ATP8A2: variants seen among roughly 807,000 people sequenced by gnomAD.
ATP8A2 encodes the protein ATPase phospholipid transporting 8A2, also known as phospholipid-transporting ATPase IB.
Under a neutral mutation model 165.6 loss-of-function variants are expected in ATP8A2, and 100 were observed. The ratio of observed to expected loss-of-function variants is 0.60; its 90% CI spans 0.51 to 0.71. The LOEUF (loss-of-function observed/expected upper bound fraction) is 0.71. Ranked by LOEUF, ATP8A2 falls within the 30% of genes least tolerant of loss-of-function variation. The pLI is 0.00. For synonymous variants in ATP8A2, 543 were observed against 548.8 expected, an observed-to-expected ratio of 0.99 and a Z score of 0.15; for missense variants, 1,227 against 1,479.5, an observed-to-expected ratio of 0.83 and a Z score of 2.80.
chr13:25,643,605 C>T (rs2041593011), intron 24 of ATP8A2, among the ~76,000 whole-genome samples: 1 of 151,834 alleles, frequency 6.6e-6, no homozygotes, highest in African/African-American at 2.4e-5. Flanking sequence ...CATTTTTGGG[C>T]CTTCTATTGG....
rs546393054 is a variant in ATP8A2 at position 25,551,351 on chromosome 13, C to T, written c.905C>T (p.Ala302Val). 3.5e-5 allele frequency: 56 copies of T among 1,613,346 alleles called. No homozygotes were observed. The highest frequency in any genetic ancestry group is 4.3e-5 in the Non-Finnish European group (51 of 1,179,510). The change falls in exon 11 of 37, where the codon GCG becomes GTG. Residue 302 changes from alanine (A) to valine (V), a missense_variant. Physicochemically the swap from Ala to Val is moderately conservative, Grantham distance 64. Coordinates refer to ENST00000381655, the MANE Select transcript of ATP8A2 (RefSeq NM_016529.6). Reference protein sequence around the residue: ...DTKLMQNSTKAPLKRSNVEKV... With the variant: ...DTKLMQNSTKVPLKRSNVEKV... ...GCTGTTGTGTAGAATTCAACCAAAG[C>T]GCCTCTCAAGAGATCAAATGTTGAG... is the stretch of plus-strand genomic sequence containing the variant.
chr13:25,400,593 G>A (rs1331777701), intron 1 of ATP8A2, among the ~76,000 whole-genome samples: 1 of 152,154 alleles, frequency 6.6e-6, no homozygotes, highest in Non-Finnish European at 1.5e-5. Flanking sequence ...TTAACCAGAG[G>A]ATTCTGAACA....
At chr13:25,378,410 A>G (rs1004614533) in intron 1 of ATP8A2, among the ~76,000 whole-genome samples, 3 of 151,966 alleles carry the variant, frequency 2.0e-5, no homozygotes, top group Non-Finnish European at 4.4e-5. Context: ...TTCCATCACA[A>G]TCATTCCCAG....
chr13:25,656,567 C>T (rs78981162), intron 24 of ATP8A2, among the ~76,000 whole-genome samples: 1 of 151,856 alleles, frequency 6.6e-6, no homozygotes, highest in African/African-American at 2.4e-5. Context: ...GCCACCACAC[C>T]CAGCCAAAGT....
At chr13:26,005,546 TTC>T (rs1425608130) in intron 35 of ATP8A2, among the ~76,000 whole-genome samples, 1 of 152,064 alleles carries the variant, frequency 6.6e-6, no homozygotes, top group African/African-American at 2.4e-5. Context: ...TGTTTATTTC[TTC>T]TCTTTTGATA....
chr13:25,900,758 G>A (rs1046513729), intron 33 of ATP8A2, among the ~76,000 whole-genome samples: 1 of 152,194 alleles, frequency 6.6e-6, no homozygotes, highest in Non-Finnish European at 1.5e-5. Context: ...ACCTGGGAGA[G>A]AGAAGTGTCC....
chr13:25,822,898 T>C (rs1951217552), intron 27 of ATP8A2, among the ~76,000 whole-genome samples: 1 of 152,240 alleles, frequency 6.6e-6, no homozygotes, highest in Admixed American at 6.5e-5. Context: ...GAAATTCATT[T>C]GAGTATATAG....
chr13:25,723,355 T>C (rs143134434), intron 25 of ATP8A2, among the ~76,000 whole-genome samples: 210 of 152,362 alleles, frequency 1.4e-3, no homozygotes, highest in African/African-American at 4.9e-3. Flanking sequence ...CTCGTGAATA[T>C]TAAATGCTAT....
At chr13:25,538,280 A>G (rs922285617) in intron 7 of ATP8A2, among the ~76,000 whole-genome samples, 1 of 151,002 alleles carries the variant, frequency 6.6e-6, no homozygotes, top group African/African-American at 2.4e-5. Context: ...ATGTGTGTTG[A>G]CTCCACTTAG....
intron 26 of ATP8A2, among the ~76,000 whole-genome samples, chr13:25,772,387 G>A (rs1207800915): frequency 1.3e-5 from 2 of 152,136 alleles, no homozygotes; most frequent in African/African-American, 4.8e-5. Flanking sequence ...ACATCAGGGG[G>A]TCCCGGTCAA....
chr13:25,870,799 T>G (rs1234567662), intron 33 of ATP8A2, among the ~76,000 whole-genome samples: 1 of 152,172 alleles, frequency 6.6e-6, no homozygotes, highest in Admixed American at 6.5e-5. Context: ...TTAATAAATT[T>G]TATCTGAAGT....
At chr13:25,707,167 A>G (rs931291171) in intron 25 of ATP8A2, among the ~76,000 whole-genome samples, 1 of 152,184 alleles carries the variant, frequency 6.6e-6, no homozygotes, top group Non-Finnish European at 1.5e-5. Context: ...TAGAGACTTG[A>G]GTATTAATCT....
In ATP8A2 at chr13:25,920,427, C is replaced by T. The variant is rs115468406; in HGVS notation, c.3184-41148C>T. On this transcript the variant is annotated intron_variant, in intron 33 of 36. Coordinates refer to ENST00000381655, the MANE Select transcript of ATP8A2 (RefSeq NM_016529.6). ...AACACACACACACACATCCTAAGCT[C>T]GGCACTTGTGAAAAAGATGTCTTTG... is the stretch of plus-strand genomic sequence containing the variant. 3.9e-3 allele frequency among the ~76,000 whole-genome samples: 590 copies of T among 152,300 alleles called. 3 individuals are homozygous for T. The highest frequency in any genetic ancestry group is 0.014 in the African/African-American group (567 of 41,562).
intron 2 of ATP8A2, among the ~76,000 whole-genome samples, chr13:25,501,946 C>A (rs563351465): frequency 2.3e-4 from 35 of 152,290 alleles, no homozygotes; most frequent in Admixed American, 1.1e-3. Context: ...GGAGGGGGAG[C>A]AACCATTGGA....
intron 1 of ATP8A2, among the ~76,000 whole-genome samples, chr13:25,462,442 C>A (rs1470779853): frequency 6.6e-6 from 1 of 151,980 alleles, no homozygotes; most frequent in Non-Finnish European, 1.5e-5. Flanking sequence ...CAGGACCAGC[C>A]AATTGGAGAT....
At chr13:25,408,542 TTCTTCTG>T (rs961004840) in intron 1 of ATP8A2, among the ~76,000 whole-genome samples, 16 of 152,324 alleles carry the variant, frequency 1.1e-4, no homozygotes, top group Non-Finnish European at 1.2e-4. Flanking sequence ...AAATATACTT[TTCTTCTG>T]TCTTCTGTCA....
rs781113954 is a variant in ATP8A2 at position 25,372,842 on chromosome 13, C to T, written c.76+554C>T. 6.6e-6 allele frequency among the ~76,000 whole-genome samples: 1 copy of T among 152,200 alleles called. No individual in the cohort carries two copies. The highest frequency in any genetic ancestry group is 1.5e-5 in the Non-Finnish European group (1 of 68,038). ...ACTGGCTCATAACCATCCGTGCATA[C>T]AACCATCTGGAGACGAACACACACA... On this transcript the variant is annotated intron_variant, in intron 1 of 36. Transcript: ENST00000381655. The surrounding 1 kb of genome is among the most constrained non-coding windows in gnomAD (Gnocchi z 4.8).
chr13:25,555,024 C>A lies in ATP8A2; in HGVS notation c.1219C>A (p.Pro407Thr), dbSNP rs764685562. 1.9e-6 allele frequency: 3 copies of A among 1,612,804 alleles called. No individual in the cohort carries two copies. Among genetic ancestry groups the A allele is most frequent in the South Asian group, 1.1e-5 (1 of 90,964 alleles). The change falls in exon 13 of 37, where the codon CCT (proline) becomes ACT (threonine). Residue 407 changes from proline (P) to threonine (T), a missense_variant. Around this residue, in one of 5 missense-constraint regions of ATP8A2, gnomAD observed 592 missense variants for 785.6 expected, o/e 0.75. Coordinates refer to ENST00000381655, the MANE Select transcript of ATP8A2 (RefSeq NM_016529.6). The stretch of plus-strand genomic sequence containing the variant: ...TATGTATTATATAGGAAATGACACT[C>A]CTGCCATGGCCAGGACATCAAACCT... ...TDMYYIGNDT[P>T]AMARTSNLNE...
At chr13:25,958,202 A>G (rs1192884455) in intron 33 of ATP8A2, among the ~76,000 whole-genome samples, 1 of 151,874 alleles carries the variant, frequency 6.6e-6, no homozygotes, top group Non-Finnish European at 1.5e-5. Context: ...AATGTAGGTG[A>G]TGGGTTGATG....
Sources: gnomAD v4.1 joint callset for allele counts (sites outside exome capture counted in the v4.1 genomes callset) on GRCh38, gnomAD v4.1.1 for gene constraint, gnomAD v4.1.1 regional missense constraint, Gnocchi (gnomAD v3.1) non-coding constraint, MANE v1.5 for transcripts, NCBI Gene and HGNC (gene_info 2026-07-23, HGNC 2026-07-21) for gene names.